The following ST6GALNAC3 variants were observed in gnomAD, a reference collection of about 807,000 sequenced individuals.
The protein encoded by ST6GALNAC3 is ST6 N-acetylgalactosaminide alpha-2,6-sialyltransferase 3.
Under a neutral mutation model 32.7 loss-of-function variants are expected in ST6GALNAC3, and 25 were observed. The ratio of observed to expected loss-of-function variants is 0.76; its 90% CI spans 0.56 to 1.07. The LOEUF is 1.07. ST6GALNAC3 is among the 50% of genes least tolerant of loss of function. The pLI is 0.00. For missense variants in ST6GALNAC3, 355 were observed against 382.4 expected (o/e 0.93, Z 0.60); for synonymous variants, 129 against 133.1 (o/e 0.97, Z 0.21).
chr1:76,167,260 G>GT (rs1176946933), intron 1 of ST6GALNAC3, among the ~76,000 whole-genome samples: 2 of 152,150 alleles, frequency 1.3e-5, no homozygotes. Context: ...AAATAATCAT[G>GT]TTTTTTGTCT....
chr1:76,551,508 G>A (rs1664637044), intron 3 of ST6GALNAC3, among the ~76,000 whole-genome samples: 1 of 152,088 alleles, frequency 6.6e-6, no homozygotes, highest in African/African-American at 2.4e-5. Context: ...TATTATTACA[G>A]CTTGGATTCT....
intron 3 of ST6GALNAC3, among the ~76,000 whole-genome samples, chr1:76,435,288 G>A (rs933384120): frequency 2.0e-5 from 3 of 152,068 alleles, no homozygotes; most frequent in Non-Finnish European, 4.4e-5. Flanking sequence ...TACATATAAA[G>A]TTAAAGGTAT....
intron 2 of ST6GALNAC3, among the ~76,000 whole-genome samples, chr1:76,314,381 CA>C (rs1176948899): frequency 2.6e-5 from 4 of 152,092 alleles, no homozygotes; most frequent in Admixed American, 6.6e-5. Context: ...TATAGAACTT[CA>C]AAAATGCATT....
At chr1:76,390,693 C>T (rs930691355) in intron 2 of ST6GALNAC3, among the ~76,000 whole-genome samples, 3 of 152,108 alleles carry the variant, frequency 2.0e-5, no homozygotes, top group Admixed American at 2.0e-4. Context: ...TACCTCACAG[C>T]TCTCAGTGCC....
chr1:76,528,489 A>G (rs528658521), intron 3 of ST6GALNAC3, among the ~76,000 whole-genome samples: 127 of 152,320 alleles, frequency 8.3e-4, no homozygotes, highest in African/African-American at 2.9e-3. Flanking sequence ...AGATAGAAGG[A>G]TAAGCTAATG....
intron 2 of ST6GALNAC3, among the ~76,000 whole-genome samples, chr1:76,366,216 A>G (rs1570979665): frequency 6.6e-6 from 1 of 152,112 alleles, no homozygotes; most frequent in Non-Finnish European, 1.5e-5. Flanking sequence ...TCTCCAATGT[A>G]CCCTTGTTTT....
At chr1:76,190,381 T>C (rs1215580907) in intron 1 of ST6GALNAC3, among the ~76,000 whole-genome samples, 1 of 152,228 alleles carries the variant, frequency 6.6e-6, no homozygotes, top group Non-Finnish European at 1.5e-5. Context: ...TGCAGTTTCC[T>C]TCTTTGCAAG....
At chr1:76,344,467 T>C (rs767383280) in intron 2 of ST6GALNAC3, among the ~76,000 whole-genome samples, 19 of 152,194 alleles carry the variant, frequency 1.2e-4, no homozygotes, top group Non-Finnish European at 2.2e-4. Context: ...TACTTTTTCA[T>C]TTACTAATTT....
chr1:76,185,819 G>A (rs1653518488), intron 1 of ST6GALNAC3, among the ~76,000 whole-genome samples: 1 of 151,892 alleles, frequency 6.6e-6, no homozygotes, highest in African/African-American at 2.4e-5. Context: ...AGTACTCAGG[G>A]AAAAAAATAT....
At chr1:76,585,335 A>G (rs1362008763) in intron 3 of ST6GALNAC3, among the ~76,000 whole-genome samples, 2 of 151,878 alleles carry the variant, frequency 1.3e-5, no homozygotes, top group Non-Finnish European at 1.5e-5. Context: ...GCAGTGAGCT[A>G]AGATCATGCC....
chr1:76,459,860 G>T (rs891540170), intron 3 of ST6GALNAC3, among the ~76,000 whole-genome samples: 9 of 152,082 alleles, frequency 5.9e-5, no homozygotes, highest in Non-Finnish European at 8.8e-5. Context: ...CCATTGTATG[G>T]ATATAACTCA....
intron 3 of ST6GALNAC3, among the ~76,000 whole-genome samples, chr1:76,500,504 T>G (rs775841426): frequency 1.3e-5 from 2 of 152,174 alleles, no homozygotes; most frequent in Non-Finnish European, 2.9e-5. Flanking sequence ...TTGTAAATAA[T>G]CTTTGAAAGG....
In ST6GALNAC3 at chr1:76,400,065, G is replaced by A. The variant is rs147455260; in HGVS notation, c.214-11943G>A. ...CCTCAGTATAATATTAAATAGCAGC[G>A]GGGATAGTGGAAATTATTGTTTTAT... On this transcript the variant is annotated intron_variant, in intron 2 of 4. Coordinates refer to ENST00000328299, the MANE Select transcript of ST6GALNAC3 (RefSeq NM_152996.4). Among the ~76,000 whole-genome samples the A allele has an allele frequency of 2.9e-3, 440 of 151,754 alleles. 1 individual carries two copies. The highest frequency in any genetic ancestry group is 3.9e-3 in the Non-Finnish European group (264 of 67,938).
intron 3 of ST6GALNAC3, among the ~76,000 whole-genome samples, chr1:76,523,046 T>C (rs144223460): frequency 6.6e-6 from 1 of 152,274 alleles, no homozygotes; most frequent in Non-Finnish European, 1.5e-5. Flanking sequence ...TGTGTTCCAG[T>C]TTATTCCTGT....
At chr1:76,273,461 A>G (rs1658967347) in intron 1 of ST6GALNAC3, among the ~76,000 whole-genome samples, 1 of 152,248 alleles carries the variant, frequency 6.6e-6, no homozygotes, top group Non-Finnish European at 1.5e-5. Context: ...GGCATCAAAT[A>G]GAGCTGAGAG....
intron 3 of ST6GALNAC3, among the ~76,000 whole-genome samples, chr1:76,445,589 G>A (rs940079148): frequency 2.6e-4 from 39 of 152,218 alleles, no homozygotes; most frequent in Middle Eastern, 3.4e-3. Context: ...ATTGTGACAT[G>A]CTTTTATTTT....
intron 3 of ST6GALNAC3, among the ~76,000 whole-genome samples, chr1:76,490,531 T>C (rs866621080): frequency 2.5e-4 from 37 of 150,512 alleles, no homozygotes; most frequent in South Asian, 2.3e-3. Context: ...TTTCTATGTA[T>C]CTCAAGTGTT....
At chr1:76,284,518 A>G (rs6662992) in intron 1 of ST6GALNAC3, among the ~76,000 whole-genome samples, 124,931 of 152,120 alleles carry the variant, frequency 0.82, 51,555 homozygotes, top group Admixed American at 0.88. Context: ...TAAATTTTAT[A>G]TACTGGCTTC....
At chr1:76,143,622 G>A (rs1650485263) in intron 1 of ST6GALNAC3, among the ~76,000 whole-genome samples, 2 of 152,034 alleles carry the variant, frequency 1.3e-5, no homozygotes. Flanking sequence ...GCATCTACAT[G>A]TTCCATGAAT....
Sources: gnomAD v4.1 joint callset for allele counts (sites outside exome capture counted in the v4.1 genomes callset) on GRCh38, gnomAD v4.1.1 for gene constraint, MANE v1.5 for transcripts, NCBI Gene and HGNC (gene_info 2026-07-23, HGNC 2026-07-21) for gene names.